Variants in CDC25A observed in about 807,000 individuals in gnomAD.
CDC25A encodes M-phase inducer phosphatase 1.
CDC25A carries 17 observed loss-of-function variants against 64.6 expected under a neutral mutation model. That is an observed-to-expected ratio of 0.26 (90% CI 0.18 to 0.39). CDC25A has a LOEUF of 0.39. Among genes scored for constraint, CDC25A ranks in the 10% least tolerant of loss-of-function variants. The pLI is 1.00. For synonymous variants in CDC25A, 229 were observed against 238.6 expected (o/e 0.96, Z 0.37); for missense variants, 473 against 654.8 (o/e 0.72, Z 3.03).
At chr3:48,160,543 T>C (rs2031711990) in intron 13 of CDC25A, among the ~76,000 whole-genome samples, 2 of 151,564 alleles carry the variant, frequency 1.3e-5, no homozygotes, top group African/African-American at 4.9e-5. Context: ...CCAAAGTAGC[T>C]GGGATTACAG....
chr3:48,174,018 G>A (rs552658989), intron 9 of CDC25A, among the ~76,000 whole-genome samples: 1 of 152,298 alleles, frequency 6.6e-6, no homozygotes, highest in African/African-American at 2.4e-5. Context: ...TATCAGCCAG[G>A]TGTGGTGGCT....
chr3:48,187,267 C>T (rs988906182), intron 1 of CDC25A, among the ~76,000 whole-genome samples: 1 of 152,136 alleles, frequency 6.6e-6, no homozygotes, highest in Non-Finnish European at 1.5e-5. Flanking sequence ...AAGACCTGGC[C>T]TTAGGAAAGC....
At chr3:48,163,102 T>C (rs1192161647) in intron 13 of CDC25A, among the ~76,000 whole-genome samples, 1 of 147,906 alleles carries the variant, frequency 6.8e-6, no homozygotes, top group Non-Finnish European at 1.5e-5. Context: ...GCCAACATGG[T>C]GAAACCCCCA....
At chr3:48,179,317 C>T (rs191404860) in intron 6 of CDC25A, among the ~76,000 whole-genome samples, 1 of 152,272 alleles carries the variant, frequency 6.6e-6, no homozygotes, top group African/African-American at 2.4e-5. Flanking sequence ...TCGCTAAGCA[C>T]ACACCAAATA....
At chr3:48,174,978 T>C (rs748579242) in intron 8 of CDC25A, among the ~76,000 whole-genome samples, 39 of 152,108 alleles carry the variant, frequency 2.6e-4, no homozygotes, top group Non-Finnish European at 5.1e-4. Context: ...CCTTTCAAAA[T>C]TGTGTTCAAA....
Position 48,184,643 on chromosome 3 carries a change from G to A in CDC25A, c.290+10C>T. The A allele has an allele frequency of 6.3e-7, 1 of 1,576,928 alleles. No individual in the cohort carries two copies. The highest frequency in any genetic ancestry group is 1.9e-5 in the Admixed American group (1 of 53,538). On this transcript the variant is annotated intron_variant, in intron 3 of 14. Transcript: ENST00000302506. ...CTACATATAAACATTTGAAAGCAGT[G>A]AATACATACTTTTCTTTACTGTCCA...
rs1288504831 is a variant in CDC25A at position 48,188,249 on chromosome 3, G to T, written c.-302C>A. 3.8e-6 allele frequency: 1 copy of T among 262,128 alleles called. No individual in the cohort carries two copies. The highest frequency in any genetic ancestry group is 2.2e-5 in the African/African-American group (1 of 44,536). 16.2% of individuals were successfully genotyped at this position (262,128 alleles called of 1,614,324 possible). On this transcript the variant is annotated 5_prime_UTR_variant, in exon 1 of 15. Transcript: ENST00000302506. ...TAAATCCAAACAAACGTGGCGGGTC[G>T]GCAAGAGAAGCCGGGCGAGAGCCTC...
chr3:48,186,737 C>A lies in CDC25A; in HGVS notation c.213G>T (p.Leu71=), dbSNP rs1417289397. 9 of 1,602,814 alleles carry A rather than the reference C, an allele frequency of 5.6e-6. No individual in the cohort carries two copies. The African/African-American group carries it at 1.1e-4, about 19-fold the overall frequency. ...TTGACTCGGAGGAGCCCATTCTCTG[C>A]AGATTACTGTTGTTCTTCACCTCCA... ...QPLEVKNNSN[L]QRMGSSESTD... Residue 71 remains leucine (L), a synonymous_variant, in exon 2 of 15, where the codon CTG becomes CTT. Coordinates refer to ENST00000302506, the MANE Select transcript of CDC25A (RefSeq NM_001789.3).
At chr3:48,160,699 C>T (rs1010676865) in intron 13 of CDC25A, among the ~76,000 whole-genome samples, 4 of 152,108 alleles carry the variant, frequency 2.6e-5, no homozygotes, top group African/African-American at 9.7e-5. Context: ...TTGTTCACTG[C>T]TCTTCTCCCT....
At chr3:48,181,905 C>T (rs2032685380) in intron 5 of CDC25A, among the ~76,000 whole-genome samples, 1 of 152,094 alleles carries the variant, frequency 6.6e-6, no homozygotes, top group Non-Finnish European at 1.5e-5. Context: ...CTGATTGTCC[C>T]GATTTTACAG....
chr3:48,168,397 CA>C (rs2032129607), intron 9 of CDC25A, among the ~76,000 whole-genome samples: 1 of 149,578 alleles, frequency 6.7e-6, no homozygotes, highest in Non-Finnish European at 1.5e-5. Flanking sequence ...CACACACACA[CA>C]CACACACACA....
In CDC25A at chr3:48,178,881, T is replaced by C. The variant is rs542796487; in HGVS notation, c.550-893A>G. On this transcript the variant is annotated intron_variant, in intron 6 of 14. Transcript: ENST00000302506. ...TACAAACACTGCTAATACTGAATTA[T>C]TTATTTTCTAGGCACTTTCAAATCC... is the stretch of plus-strand genomic sequence containing the variant. Among the ~76,000 whole-genome samples, 3 of 152,378 alleles carry C rather than the reference T, an allele frequency of 2.0e-5. No homozygotes were observed. The East Asian group carries it at 5.8e-4, about 29-fold the overall frequency.
intron 6 of CDC25A, 97 bp downstream of exon 6, chr3:48,180,624 G>C (rs2032629808): frequency 2.4e-6 from 3 of 1,257,282 alleles, no homozygotes; most frequent in African/African-American, 1.5e-5. Flanking sequence ...GGTAAAAACA[G>C]CTAGTGCTAC....
chr3:48,183,162 C>T, intron 4 of CDC25A, 132 bp from the exon 5 acceptor site: 2 of 624,048 alleles, frequency 3.2e-6, no homozygotes, highest in East Asian at 5.6e-5. Flanking sequence ...AGTAGGTAAC[C>T]AGTAAATGTG....
intron 1 of CDC25A, among the ~76,000 whole-genome samples, chr3:48,187,435 C>G (rs2032881375): frequency 6.6e-6 from 1 of 152,242 alleles, no homozygotes; most frequent in African/African-American, 2.4e-5. Flanking sequence ...AAAGTGAGTG[C>G]CTAGAAGAGC....
intron 9 of CDC25A, among the ~76,000 whole-genome samples, chr3:48,171,200 C>T (rs1575264913): frequency 6.6e-6 from 1 of 151,354 alleles, no homozygotes; most frequent in South Asian, 2.1e-4. Context: ...GGTGAAACTC[C>T]GCCTCTACTA....
intron 9 of CDC25A, among the ~76,000 whole-genome samples, chr3:48,170,488 G>A (rs1575264474): frequency 6.6e-6 from 1 of 152,308 alleles, no homozygotes. Context: ...ACATGCATAG[G>A]GTGAGGTATG....
chr3:48,174,554 G>A, intron 8 of CDC25A, 97 bp from the exon 9 acceptor site: 1 of 1,224,590 alleles, frequency 8.2e-7, no homozygotes, highest in Non-Finnish European at 1.1e-6. Flanking sequence ...GATGATCTAA[G>A]ATCAATTCTA....
At chr3:48,181,375 C>T (rs1451953989) in intron 5 of CDC25A, among the ~76,000 whole-genome samples, 2 of 151,930 alleles carry the variant, frequency 1.3e-5, no homozygotes, top group African/African-American at 4.8e-5. Context: ...GAATACATAT[C>T]GTATGATTCC....
Sources: gnomAD v4.1 joint callset for allele counts (sites outside exome capture counted in the v4.1 genomes callset) on GRCh38, gnomAD v4.1.1 for gene constraint, MANE v1.5 for transcripts, NCBI Gene and HGNC (gene_info 2026-07-23, HGNC 2026-07-21) for gene names.